Variants in PCDH15 observed in about 807,000 individuals in gnomAD.
PCDH15 encodes protocadherin-15.
In PCDH15, 129 loss-of-function variants were observed where a neutral mutation model predicts 178.5. That is an observed-to-expected ratio of 0.72 (90% CI 0.63 to 0.84). The LOEUF is 0.84. Ranked by LOEUF, PCDH15 falls within the 40% of genes least tolerant of loss-of-function variation. PCDH15 has a pLI of 0.00. For synonymous variants in PCDH15, 800 were observed against 732.0 expected, an observed-to-expected ratio of 1.09 and a Z score of -1.50; for missense variants, 2,230 against 2,099.9, an observed-to-expected ratio of 1.06 and a Z score of -1.21.
At chr10:54,514,293 T>A (rs1165516027) in intron 3 of PCDH15, among the ~76,000 whole-genome samples, 1 of 152,072 alleles carries the variant, frequency 6.6e-6, no homozygotes, top group Non-Finnish European at 1.5e-5. Flanking sequence ...ATATATATAA[T>A]TATAATAATG....
chr10:55,531,980 A>C (rs185552608), intron 2 of PCDH15, among the ~76,000 whole-genome samples: 1 of 152,040 alleles, frequency 6.6e-6, no homozygotes, highest in Non-Finnish European at 1.5e-5. Context: ...CGAAGAAGTG[A>C]ATAAATAGAT....
At chr10:54,263,401 T>A (rs1315732022) in intron 8 of PCDH15, among the ~76,000 whole-genome samples, 1 of 152,172 alleles carries the variant, frequency 6.6e-6, no homozygotes, top group Non-Finnish European at 1.5e-5. Context: ...CACTTCCCAG[T>A]GCACTGTTGC....
At chr10:55,061,047 G>C (rs1841415848) in intron 2 of PCDH15, among the ~76,000 whole-genome samples, 1 of 151,892 alleles carries the variant, frequency 6.6e-6, no homozygotes, top group Non-Finnish European at 1.5e-5. Context: ...AAAGCCAAAG[G>C]CAAATTCTAT....
chr10:54,190,137 T>C (rs2048858913), intron 11 of PCDH15, among the ~76,000 whole-genome samples: 1 of 152,110 alleles, frequency 6.6e-6, no homozygotes, highest in African/African-American at 2.4e-5. Context: ...GTGGCTTCAC[T>C]TTCCACTAAA....
chr10:55,468,792 C>A (rs1299961010), intron 2 of PCDH15, among the ~76,000 whole-genome samples: 2 of 152,042 alleles, frequency 1.3e-5, no homozygotes, highest in Non-Finnish European at 2.9e-5. Context: ...TTTTTACTTG[C>A]TCAAATTTAA....
At chr10:54,713,706 G>T (rs2095448478) in intron 1 of PCDH15, among the ~76,000 whole-genome samples, 1 of 151,952 alleles carries the variant, frequency 6.6e-6, no homozygotes, top group African/African-American at 2.4e-5. Flanking sequence ...AATATATCTG[G>T]CCATATGCCT....
intron 2 of PCDH15, among the ~76,000 whole-genome samples, chr10:55,041,311 TA>T (rs970704521): frequency 3.3e-5 from 5 of 152,236 alleles, no homozygotes; most frequent in Admixed American, 3.3e-4. Context: ...AGAAAAGTTG[TA>T]GTGACAAAAA....
intron 2 of PCDH15, among the ~76,000 whole-genome samples, chr10:54,906,384 A>G (rs1237837565): frequency 6.6e-6 from 1 of 152,164 alleles, no homozygotes; most frequent in African/African-American, 2.4e-5. Flanking sequence ...CAATTTAAAT[A>G]TATTTTCAAT....
chr10:54,064,841 G>C (rs2094106909), intron 18 of PCDH15, among the ~76,000 whole-genome samples: 1 of 152,200 alleles, frequency 6.6e-6, no homozygotes, highest in Admixed American at 6.5e-5. Flanking sequence ...GGATCCCTGA[G>C]AGCACAGAGA....
chr10:54,519,100 A>C (rs1261506315), intron 3 of PCDH15, among the ~76,000 whole-genome samples: 1 of 152,166 alleles, frequency 6.6e-6, no homozygotes, highest in Non-Finnish European at 1.5e-5. Context: ...CCCACAGCCA[A>C]CATCATACTG....
intron 1 of PCDH15, among the ~76,000 whole-genome samples, chr10:55,270,276 C>A (rs1842407691): frequency 6.6e-6 from 1 of 151,880 alleles, no homozygotes; most frequent in Non-Finnish European, 1.5e-5. Context: ...AAAAACAAAA[C>A]AATTGACAAT....
At chr10:55,246,174 A>C (rs1841673163) in intron 1 of PCDH15, among the ~76,000 whole-genome samples, 1 of 152,230 alleles carries the variant, frequency 6.6e-6, no homozygotes, top group African/African-American at 2.4e-5. Flanking sequence ...ACAAGCATAA[A>C]TTTTAGAAGT....
intron 20 of PCDH15, among the ~76,000 whole-genome samples, chr10:54,003,736 C>CAAAAAAAA: frequency 1.3e-5 from 1 of 76,200 alleles, no homozygotes; most frequent in Non-Finnish European, 2.4e-5. Flanking sequence ...CAAACTATTC[C>CAAAAAAAA]AAAAAAAAAA....
At chr10:54,677,295 G>A (rs948360630) in intron 1 of PCDH15, among the ~76,000 whole-genome samples, 16 of 152,170 alleles carry the variant, frequency 1.1e-4, no homozygotes, top group African/African-American at 3.6e-4. Context: ...GGGGAGGATG[G>A]TTTGAGCCCA....
chr10:55,130,594 G>A (rs1308157751), intron 2 of PCDH15, among the ~76,000 whole-genome samples: 1 of 151,754 alleles, frequency 6.6e-6, no homozygotes, highest in East Asian at 1.9e-4. Context: ...TCTACTCATA[G>A]GTAAGGTGGA....
intron 2 of PCDH15, among the ~76,000 whole-genome samples, chr10:55,494,410 TGATTG>T (rs1355697334): frequency 1.3e-5 from 2 of 151,802 alleles, no homozygotes; most frequent in Non-Finnish European, 2.9e-5. Context: ...AACTCACTTT[TGATTG>T]GATTGTTTAA....
At chr10:54,180,604 G>C (rs956168396) in intron 13 of PCDH15, among the ~76,000 whole-genome samples, 7 of 152,152 alleles carry the variant, frequency 4.6e-5, no homozygotes, top group Non-Finnish European at 5.9e-5. Flanking sequence ...ATGAGGTGTA[G>C]CATAGGGACC....
chr10:54,637,035 T>G (rs2093871278), intron 2 of PCDH15, among the ~76,000 whole-genome samples: 1 of 151,700 alleles, frequency 6.6e-6, no homozygotes, highest in African/African-American at 2.4e-5. Context: ...CTTCTTTCCT[T>G]TTTTGAGCTA....
chr10:54,297,703 A>G (rs2133186409), intron 8 of PCDH15, among the ~76,000 whole-genome samples: 1 of 152,298 alleles, frequency 6.6e-6, no homozygotes, highest in Admixed American at 6.5e-5. Context: ...ATTTGGCCCA[A>G]CGTGGGTACA....
Sources: allele counts gnomAD v4.1 joint callset (sites outside exome capture counted in the v4.1 genomes callset), GRCh38; gene constraint gnomAD v4.1.1; transcripts MANE v1.5; gene names NCBI Gene and HGNC (gene_info 2026-07-23, HGNC 2026-07-21).